Variants in METTL6 observed in about 807,000 individuals in gnomAD.
METTL6 encodes methyltransferase 6, tRNA N3-cytidine, also known as tRNA N(3)-cytidine methyltransferase METTL6.
In METTL6, 22 loss-of-function variants were observed where a neutral mutation model predicts 26.4. That is an observed-to-expected ratio of 0.83 (90% CI 0.59 to 1.19). The LOEUF (loss-of-function observed/expected upper bound fraction) is 1.19, where lower values mean the gene tolerates loss of function less well. Among genes scored for constraint, METTL6 ranks in the 50% most tolerant of loss-of-function variants. The pLI is 0.00. For synonymous variants in METTL6, 109 were observed against 116.2 expected (o/e 0.94, Z 0.40); for missense variants, 304 against 324.8 (o/e 0.94, Z 0.49).
At chr3:15,406,946 C>T (rs538667526), downstream of METTL6, among the ~76,000 whole-genome samples, 56 of 151,000 alleles carry the variant, frequency 3.7e-4, 1 homozygote, top group Non-Finnish European at 5.6e-4. Context: ...CTTAATGTAT[C>T]TTAAATATAT....
At position 15,414,137 on chromosome 3, in the gene METTL6, A is replaced by G. The variant is rs1362080488; in HGVS notation, c.557T>C (p.Leu186Ser). Residue 186 changes from leucine (L) to serine (S), a missense_variant, in exon 5 of 6, where the codon TTG (leucine) becomes TCG (serine). Leu to Ser is a moderately radical substitution (Grantham distance 145). Transcript: ENST00000383790. ...ATCATACAGTCCGTAGTCACGAAACAAGACACTTTTGCCTGGTTTTAATAC... is the reference window on the plus strand; with the variant it reads ...ATCATACAGTCCGTAGTCACGAAACGAGACACTTTTGCCTGGTTTTAATAC... ...YKVLKPGKSVLFRDYGLYDHA... is the reference protein window; with the variant it reads ...YKVLKPGKSVSFRDYGLYDHA... The G allele has an allele frequency of 2.2e-5, 35 of 1,613,140 alleles. No individual in the cohort carries two copies. In the East Asian group the frequency reaches 7.8e-4, roughly 36 times the overall value.
chr3:15,427,615 A>G (rs1476186666), upstream of METTL6: 9 of 647,160 alleles, frequency 1.4e-5, no homozygotes, highest in East Asian at 3.0e-5. Context: ...ACCCCCACGC[A>G]GAGGAGAGAA....
At chr3:15,391,773 T>A (rs1699355865) in intron 6 of METTL6, among the ~76,000 whole-genome samples, 2 of 151,892 alleles carry the variant, frequency 1.3e-5, no homozygotes, top group African/African-American at 4.8e-5. Flanking sequence ...CTTGTGATAG[T>A]TTGCTGAGAA....
In METTL6 at chr3:15,411,424, C is replaced by A. The variant is rs780748375; in HGVS notation, c.687G>T (p.Gln229His). 1.2e-6 allele frequency: 2 copies of A among 1,613,638 alleles called. No individual in the cohort carries two copies. The highest frequency in any genetic ancestry group is 2.2e-5 in the South Asian group (2 of 91,008). ...CTTCATAACCTGTGTCCATAAAGAG[C>A]TGAGCCAGGAAGTCTGTAAGACAAG... is the stretch of plus-strand genomic sequence containing the variant. ...SYFFTDDFLAQLFMDTGYEEV... is the reference protein window; with the variant it reads ...SYFFTDDFLAHLFMDTGYEEV... The change falls in exon 6 of 6, where the codon CAG becomes CAT. Residue 229 changes from glutamine to histidine, a missense_variant. By Grantham distance (24) the Gln-to-His change is conservative (BLOSUM62 0). Transcript: ENST00000383790.
rs552849329 is a variant in METTL6 at position 15,389,047 on chromosome 3, A to G, written c.*12-4860T>C. On this transcript the variant is annotated intron_variant, in intron 6 of 6. Coordinates refer to the METTL6 transcript ENST00000443029. Reference sequence around the variant, plus strand: ...GCTAATTTTTTTTTTATAGAGATGGAGTCTCACGGTGTTGCCCAGGCTTGT... The same window carrying G: ...GCTAATTTTTTTTTTATAGAGATGGGGTCTCACGGTGTTGCCCAGGCTTGT... 9.2e-5 allele frequency among the ~76,000 whole-genome samples: 14 copies of G among 151,836 alleles called. No homozygotes were observed. In the East Asian group the frequency reaches 2.5e-3, roughly 27 times the overall value.
At chr3:15,420,750 T>G (rs964445787) in intron 3 of METTL6, among the ~76,000 whole-genome samples, 3 of 152,194 alleles carry the variant, frequency 2.0e-5, no homozygotes, top group Admixed American at 2.0e-4. Flanking sequence ...CCTAATACAC[T>G]GAGTACATTT....
At chr3:15,383,619 T>G (rs1699122754) in exon 7 of METTL6, 1 of 152,158 alleles carries the variant, frequency 6.6e-6, no homozygotes, top group African/African-American at 2.4e-5. Flanking sequence ...CTAATTAGCT[T>G]CATATAATCA....
intron 3 of METTL6, among the ~76,000 whole-genome samples, chr3:15,423,833 G>T (rs1272789642): frequency 6.6e-6 from 1 of 152,160 alleles, no homozygotes; most frequent in African/African-American, 2.4e-5. Flanking sequence ...GCAGTGAGTT[G>T]TGATTGGGCC....
At chr3:15,390,305 G>T (rs1383717075) in intron 6 of METTL6, among the ~76,000 whole-genome samples, 1 of 152,062 alleles carries the variant, frequency 6.6e-6, no homozygotes. Flanking sequence ...GTACGCACCT[G>T]TAGTCCCAGC....
At chr3:15,417,138 C>T (rs1229438801) in intron 3 of METTL6, among the ~76,000 whole-genome samples, 3 of 152,130 alleles carry the variant, frequency 2.0e-5, no homozygotes, top group South Asian at 2.1e-4. Flanking sequence ...GCAAGCTAGC[C>T]TGGAAAACAG....
exon 7 of METTL6, chr3:15,382,720 T>C (rs1022231917): frequency 6.6e-6 from 1 of 151,030 alleles, no homozygotes; most frequent in Non-Finnish European, 1.5e-5. Flanking sequence ...AGGATCCTTC[T>C]GGAAACCCCA....
chr3:15,425,232 C>T, intron 2 of METTL6, 143 bp from the exon 3 acceptor site: 2 of 806,520 alleles, frequency 2.5e-6, no homozygotes, highest in Non-Finnish European at 3.9e-6. Flanking sequence ...AAAGCTAATA[C>T]TGGTACTTCA....
intron 6 of METTL6, among the ~76,000 whole-genome samples, chr3:15,385,655 T>C (rs923908893): frequency 6.6e-6 from 1 of 151,256 alleles, no homozygotes; most frequent in African/African-American, 2.4e-5. Context: ...AAGCCAAGAG[T>C]TCAAGACCAG....
intron 6 of METTL6, among the ~76,000 whole-genome samples, chr3:15,386,745 C>T (rs1203375842): frequency 6.6e-6 from 1 of 151,878 alleles, no homozygotes; most frequent in Non-Finnish European, 1.5e-5. Context: ...ACTTGCCCAA[C>T]TCCAAAGATC....
At chr3:15,391,262 T>C (rs1386383395) in intron 6 of METTL6, among the ~76,000 whole-genome samples, 1 of 152,126 alleles carries the variant, frequency 6.6e-6, no homozygotes, top group Non-Finnish European at 1.5e-5. Flanking sequence ...AACACGTGGG[T>C]GGAAAAATGG....
In METTL6 at chr3:15,415,911, T is replaced by A. The variant is rs751792903; in HGVS notation, c.392A>T (p.Lys131Met). The change falls in exon 4 of 6, where the codon AAG becomes ATG. Residue 131 changes from lysine to methionine, a missense_variant. Physicochemically the swap from Lys to Met is moderately conservative, Grantham distance 95. Transcript: ENST00000383790. The part of the protein sequence containing the change: ...QNPLYDTERC[K>M]VFQCDLTKDD... ...TTTAGTCAGATCACACTGGAATACC[T>A]TGCATCTTTCTGTATCATATAAAGG... is the stretch of plus-strand genomic sequence containing the variant. 4.7e-5 allele frequency: 76 copies of A among 1,613,152 alleles called. No individual in the cohort carries two copies. The South Asian group carries it at 4.7e-4, about 10-fold the overall frequency.
chr3:15,385,451 A>T lies in METTL6; in HGVS notation c.*12-1264T>A, dbSNP rs578221348. Among the ~76,000 whole-genome samples the T allele has an allele frequency of 2.0e-5, 3 of 152,186 alleles. No homozygotes were observed. The South Asian group carries it at 6.2e-4, about 32-fold the overall frequency. ...TGTCTCTACTAAAAATACAAAACAT[A>T]GCTGCGCGTGGTGGTGCACGCCTGT... On this transcript the variant is annotated intron_variant, in intron 6 of 6. Coordinates refer to the METTL6 transcript ENST00000443029.
intron 6 of METTL6, among the ~76,000 whole-genome samples, chr3:15,386,990 T>G (rs900311249): frequency 2.5e-4 from 38 of 151,918 alleles, no homozygotes; most frequent in African/African-American, 8.2e-4. Flanking sequence ...TGGGGGGTGG[T>G]TCTCACCATG....
chr3:15,386,311 G>T (rs1699190002), intron 6 of METTL6, among the ~76,000 whole-genome samples: 1 of 152,218 alleles, frequency 6.6e-6, no homozygotes, highest in African/African-American at 2.4e-5. Flanking sequence ...TGGGGCTGCA[G>T]CAACTAGATG....
Sources: gnomAD v4.1 joint callset for allele counts (sites outside exome capture counted in the v4.1 genomes callset) on GRCh38, gnomAD v4.1.1 for gene constraint, MANE v1.5 for transcripts, NCBI Gene and HGNC (gene_info 2026-07-23, HGNC 2026-07-21) for gene names.